Variants in GREB1 observed in about 807,000 individuals in gnomAD.
GREB1 encodes protein GREB1.
A neutral mutation model predicts 200.7 loss-of-function variants in GREB1; 106 were observed. That is an observed-to-expected ratio of 0.53 (90% CI 0.45 to 0.62). The LOEUF is 0.62. Ranked by LOEUF, GREB1 falls within the 20% of genes least tolerant of loss-of-function variation. GREB1 has a pLI of 0.00. For missense variants in GREB1, 2,243 were observed against 2,556.8 expected (o/e 0.88, Z 2.65); for synonymous variants, 1,132 against 1,092.4 (o/e 1.04, Z -0.72).
intron 5 of GREB1, among the ~76,000 whole-genome samples, chr2:11,577,354 G>A (rs1280002285): frequency 6.6e-6 from 1 of 152,216 alleles, no homozygotes; most frequent in African/African-American, 2.4e-5. Flanking sequence ...TGCCAAGGCT[G>A]AGAACCTGAC....
In GREB1 at chr2:11,602,398, TG is replaced by T; in HGVS notation, c.2530-7del. On this transcript the variant is annotated splice_polypyrimidine_tract_variant and splice_region_variant and intron_variant, in intron 16 of 32. Coordinates refer to ENST00000381486, the MANE Select transcript of GREB1 (RefSeq NM_014668.4). ...TGTTGGAGTGACCGACGCTCTTCTT[TG>T]TTTTAGGGAGTGGACTTATATCATG... The T allele has an allele frequency of 1.2e-6, 2 of 1,613,252 alleles. No homozygotes were observed. The highest frequency in any genetic ancestry group is 1.7e-6 in the Non-Finnish European group (2 of 1,179,352).
chr2:11,608,681 T>G (rs921772249), intron 17 of GREB1, among the ~76,000 whole-genome samples: 1 of 152,250 alleles, frequency 6.6e-6, no homozygotes, highest in African/African-American at 2.4e-5. Context: ...CAATGTTTCA[T>G]GACTCCGAGG....
intron 1 of GREB1, among the ~76,000 whole-genome samples, chr2:11,486,306 TA>T (rs571874235): frequency 6.6e-5 from 10 of 152,016 alleles, no homozygotes; most frequent in African/African-American, 1.4e-4. Flanking sequence ...GTAGTACTTT[TA>T]AAAAAAATTT....
intron 23 of GREB1, 21 bp downstream of exon 23, chr2:11,621,028 T>A: frequency 1.4e-6 from 2 of 1,383,822 alleles, no homozygotes; most frequent in Non-Finnish European, 2.1e-6. Context: ...TGTTTGGGGT[T>A]ATGTGGGCTT....
Position 11,637,874 on chromosome 2 carries a change from C to T in GREB1, c.5505C>T (p.His1835=). Residue 1835 remains histidine (H), a synonymous_variant, in exon 31 of 33, where the codon CAC becomes CAT. Transcript: ENST00000381486. Reference sequence around the variant, plus strand: ...CGCTGTCCCTGAAGAACCATGACCACCCAGTGCTGTCTGTCGACTGTTACC... The same window carrying T: ...CGCTGTCCCTGAAGAACCATGACCATCCAGTGCTGTCTGTCGACTGTTACC... ...FFPLSLKNHD[H]PVLSVDCYLN... 1 of 1,614,210 alleles carries T rather than the reference C, an allele frequency of 6.2e-7. No homozygotes were observed. The highest frequency in any genetic ancestry group is 8.5e-7 in the Non-Finnish European group (1 of 1,180,044).
chr2:11,535,000 G>A (rs990259326), intron 1 of GREB1, among the ~76,000 whole-genome samples: 5 of 152,162 alleles, frequency 3.3e-5, no homozygotes, highest in African/African-American at 9.7e-5. Context: ...GTGCGTTAGC[G>A]GCTCTAGTTC....
chr2:11,533,472 C>G (rs774958004), upstream of GREB1, among the ~76,000 whole-genome samples: 2 of 152,162 alleles, frequency 1.3e-5, no homozygotes, highest in African/African-American at 2.4e-5. Context: ...CACACAGCTC[C>G]GGTGGGTGAG....
At chr2:11,494,418 G>C (rs1263914678) in intron 1 of GREB1, among the ~76,000 whole-genome samples, 1 of 152,258 alleles carries the variant, frequency 6.6e-6, no homozygotes, top group South Asian at 2.1e-4. Context: ...TCCCTGATGG[G>C]GGTGCCCAGT....
chr2:11,541,453 C>CGGG (rs1558516333), intron 1 of GREB1, among the ~76,000 whole-genome samples: 1 of 151,024 alleles, frequency 6.6e-6, no homozygotes, highest in Non-Finnish European at 1.5e-5. Flanking sequence ...GAGAGGGGGG[C>CGGG]CATGGGGATC....
Position 11,596,215 on chromosome 2 carries a change from G to A in GREB1, c.1930G>A (p.Val644Ile). 1 of 1,613,930 alleles carries A rather than the reference G, an allele frequency of 6.2e-7. No homozygotes were observed. Among genetic ancestry groups the A allele is most frequent in the South Asian group, 1.1e-5 (1 of 91,072 alleles). The change falls in exon 13 of 33, where the codon GTC becomes ATC. Residue 644 changes from valine (V) to isoleucine (I), a missense_variant. Coordinates refer to ENST00000381486, the MANE Select transcript of GREB1 (RefSeq NM_014668.4). ...SSVTKAASLD[V>I]SGTPVCTSYN... ...TGTCACTAAAGCAGCATCCCTGGAT[G>A]TCAGTGGGACACCGGTGTGCACAAG...
rs35568947 is a variant in GREB1 at position 11,637,889 on chromosome 2, C to T, written c.5520C>T (p.Val1840=). 2,405 of 1,614,088 alleles carry T rather than the reference C, an allele frequency of 1.5e-3. 4 individuals are homozygous for T. The highest frequency in any genetic ancestry group is 1.8e-3 in the Non-Finnish European group (2,124 of 1,179,998). ...ACCATGACCACCCAGTGCTGTCTGT[C>T]GACTGTTACCTGAACCTGGGATCTC... ...LKNHDHPVLS[V]DCYLNLGSQI... Residue 1840 remains valine, a synonymous_variant, in exon 31 of 33, where the codon GTC becomes GTT. Transcript: ENST00000381486.
intron 1 of GREB1, among the ~76,000 whole-genome samples, chr2:11,513,685 TA>T (rs59611075): frequency 0.049 from 7,213 of 146,912 alleles, 409 homozygotes; most frequent in African/African-American, 0.14. Flanking sequence ...GGTCTTGCTT[TA>T]AAAAAAAAAA....
intron 24 of GREB1, among the ~76,000 whole-genome samples, chr2:11,626,077 C>A (rs1684429199): frequency 6.6e-6 from 1 of 152,046 alleles, no homozygotes; most frequent in South Asian, 2.1e-4. Context: ...CCATCAGGTC[C>A]CTCCCACAAC....
chr2:11,639,732 G>A (rs1685670624), intron 32 of GREB1, among the ~76,000 whole-genome samples: 1 of 152,206 alleles, frequency 6.6e-6, no homozygotes, highest in Admixed American at 6.5e-5. Context: ...AGGTTTTACA[G>A]CAGTCTCTGC....
At chr2:11,573,996 C>G (rs1184130885) in intron 4 of GREB1, among the ~76,000 whole-genome samples, 2 of 152,254 alleles carry the variant, frequency 1.3e-5, no homozygotes, top group African/African-American at 4.8e-5. Context: ...CTTAGAAGCC[C>G]TTCCAGGGAG....
intron 1 of GREB1, chr2:11,540,156 A>C (rs753394007): frequency 6.6e-6 from 1 of 152,236 alleles, no homozygotes; most frequent in Non-Finnish European, 1.5e-5. Context: ...TGGGGGTTGG[A>C]GAGGTTTGTG....
intron 1 of GREB1, among the ~76,000 whole-genome samples, chr2:11,509,655 G>A (rs1252061338): frequency 1.3e-5 from 2 of 152,130 alleles, no homozygotes; most frequent in African/African-American, 4.8e-5. Flanking sequence ...CTTTAGGAGG[G>A]GGTTAGATCA....
chr2:11,638,634 G>C (rs770242852), intron 31 of GREB1, 37 bp from the exon 32 acceptor site: 3 of 1,603,226 alleles, frequency 1.9e-6, no homozygotes, highest in Non-Finnish European at 2.6e-6. Flanking sequence ...GCATTTCATA[G>C]AAAACGGTGC....
intron 3 of GREB1, among the ~76,000 whole-genome samples, chr2:11,566,005 G>A (rs77146667): frequency 0.024 from 3,584 of 146,940 alleles, 134 homozygotes; most frequent in African/African-American, 0.09. Flanking sequence ...GATCTGTGTC[G>A]TGGATAACTA....
Sources: allele counts gnomAD v4.1 joint callset (sites outside exome capture counted in the v4.1 genomes callset), GRCh38; gene constraint gnomAD v4.1.1; transcripts MANE v1.5; gene names NCBI Gene and HGNC (gene_info 2026-07-23, HGNC 2026-07-21).